The following PARD3B variants were observed in gnomAD, a reference collection of about 807,000 sequenced individuals.
The protein encoded by PARD3B is par-3 family cell polarity regulator beta.
Under a neutral mutation model 130.2 loss-of-function variants are expected in PARD3B, and 103 were observed. The observed-to-expected ratio is 0.79, with a 90% CI of 0.67 to 0.93. The LOEUF is 0.93. PARD3B is among the 40% of genes least tolerant of loss of function. PARD3B has a pLI of 0.00. For synonymous variants in PARD3B, 583 were observed against 553.2 expected, an observed-to-expected ratio of 1.05 and a Z score of -0.76; for missense variants, 1,609 against 1,499.2, an observed-to-expected ratio of 1.07 and a Z score of -1.21.
intron 13 of PARD3B, among the ~76,000 whole-genome samples, chr2:205,180,367 C>T (rs193017708): frequency 1.8e-4 from 27 of 151,920 alleles, no homozygotes; most frequent in African/African-American, 5.1e-4. Context: ...ATGGCCATCA[C>T]GTCTTTGTAA....
Position 205,176,361 on chromosome 2 carries a change from A to G in PARD3B, c.1792-84A>G, listed in dbSNP as rs1319519141. Reference sequence around the variant, plus strand: ...TAGACTCTTGAAAGACTATTCATACAGCGATCATTCTTTCACTTTGCTTCA... The same window carrying G: ...TAGACTCTTGAAAGACTATTCATACGGCGATCATTCTTTCACTTTGCTTCA... On this transcript the variant is annotated intron_variant, in intron 12 of 22. Transcript: ENST00000406610. This position sits in a 1 kb window ranked among gnomAD's most constrained non-coding sequence, Gnocchi z 5.3. 1.5e-6 allele frequency: 2 copies of G among 1,325,328 alleles called. No individual in the cohort carries two copies. Among genetic ancestry groups the G allele is most frequent in the Non-Finnish European group, 2.1e-6 (2 of 971,836 alleles). The allele number at this position is 1,325,328 out of a possible 1,614,324, so 82.1% of individuals were successfully genotyped here. A position where few individuals can be genotyped will look rare whatever the true frequency, so the allele number is the denominator to read the frequency against.
chr2:205,346,043 C>T (rs849253), intron 18 of PARD3B, among the ~76,000 whole-genome samples: 109,393 of 131,264 alleles, frequency 0.83, 46,138 homozygotes, highest in Admixed American at 0.9. Flanking sequence ...TGGTGGCGCA[C>T]GCCTGTAGTC....
At chr2:205,165,845 C>T (rs987522709) in intron 11 of PARD3B, among the ~76,000 whole-genome samples, 1 of 152,052 alleles carries the variant, frequency 6.6e-6, no homozygotes, top group East Asian at 1.9e-4. Context: ...GAGTGAGGTT[C>T]TTAAGACAAT....
At chr2:205,567,988 T>A (rs146112665) in intron 22 of PARD3B, among the ~76,000 whole-genome samples, 3 of 152,158 alleles carry the variant, frequency 2.0e-5, no homozygotes, top group Non-Finnish European at 4.4e-5. Context: ...ACTTAACTTT[T>A]GGTCCCATTT....
At chr2:205,097,376 A>G (rs1366099887) in intron 4 of PARD3B, among the ~76,000 whole-genome samples, 3 of 152,204 alleles carry the variant, frequency 2.0e-5, no homozygotes, top group African/African-American at 7.2e-5. Context: ...TGTCACTAAC[A>G]CAACATGTAA....
intron 2 of PARD3B, among the ~76,000 whole-genome samples, chr2:204,922,706 G>A (rs1423525453): frequency 2.0e-5 from 3 of 151,778 alleles, no homozygotes; most frequent in Non-Finnish European, 4.4e-5. Context: ...TTTTAAAATA[G>A]GACATACCTT....
At chr2:205,489,522 T>TATATACGTATATAC (rs1559141351) in intron 20 of PARD3B, among the ~76,000 whole-genome samples, 1 of 126,416 alleles carries the variant, frequency 7.9e-6, no homozygotes. Flanking sequence ...TATATATATA[T>TATATACGTATATAC]ACACACATAT....
intron 2 of PARD3B, among the ~76,000 whole-genome samples, chr2:204,731,713 A>T (rs922574436): frequency 2.0e-5 from 3 of 152,142 alleles, no homozygotes; most frequent in African/African-American, 7.2e-5. Flanking sequence ...TAACCAAATA[A>T]AAATTGGGGC....
At chr2:205,356,775 C>T (rs1475664364) in intron 18 of PARD3B, among the ~76,000 whole-genome samples, 2 of 151,616 alleles carry the variant, frequency 1.3e-5, no homozygotes, top group African/African-American at 2.4e-5. Context: ...CCTGTAATCC[C>T]AGCTACTTGG....
intron 22 of PARD3B, among the ~76,000 whole-genome samples, chr2:205,557,976 C>T (rs1335818449): frequency 6.6e-6 from 1 of 152,150 alleles, no homozygotes; most frequent in East Asian, 1.9e-4. Flanking sequence ...GAAGAGGAAG[C>T]AGCACCTGCA....
intron 2 of PARD3B, among the ~76,000 whole-genome samples, chr2:204,920,029 G>C (rs2047606580): frequency 6.6e-6 from 1 of 151,906 alleles, no homozygotes; most frequent in South Asian, 2.1e-4. Context: ...TGTTAATTTG[G>C]AGACAATAGA....
chr2:204,897,823 A>ATC (rs1417373505), intron 2 of PARD3B, among the ~76,000 whole-genome samples: 2 of 152,060 alleles, frequency 1.3e-5, no homozygotes, highest in Non-Finnish European at 2.9e-5. Flanking sequence ...GTGGTAGTCA[A>ATC]TCAAGCAGCA....
chr2:204,670,672 TG>T lies in PARD3B; in HGVS notation c.121-15508del, dbSNP rs1317250705. On this transcript the variant is annotated intron_variant, in intron 1 of 22. Coordinates refer to ENST00000406610, the MANE Select transcript of PARD3B (RefSeq NM_001302769.2). ...CTCAAGCTATACGTTTTTTTCTCCT[TG>T]TTTCCTAAAATTATTGTTAGGCTAT... 2.0e-5 allele frequency among the ~76,000 whole-genome samples: 3 copies of T among 152,312 alleles called. No homozygotes were observed. The East Asian group carries it at 5.8e-4, about 29-fold the overall frequency.
intron 22 of PARD3B, among the ~76,000 whole-genome samples, chr2:205,603,389 G>A (rs569552959): frequency 1.4e-3 from 206 of 152,194 alleles, no homozygotes; most frequent in Non-Finnish European, 2.5e-3. Context: ...ATCCAAGTTC[G>A]AGTCCTGAAT....
At chr2:205,036,411 G>T (rs1697892371) in intron 3 of PARD3B, among the ~76,000 whole-genome samples, 2 of 145,458 alleles carry the variant, frequency 1.4e-5, no homozygotes, top group South Asian at 4.3e-4. Context: ...GTATATAGCA[G>T]ACTATATATA....
intron 2 of PARD3B, among the ~76,000 whole-genome samples, chr2:204,950,296 TG>T (rs1242357674): frequency 6.6e-6 from 1 of 152,212 alleles, no homozygotes; most frequent in Admixed American, 6.5e-5. Context: ...GCTTTGAATA[TG>T]GTAAACATTC....
chr2:205,181,186 C>A (rs1024325337), intron 13 of PARD3B, among the ~76,000 whole-genome samples: 2 of 152,144 alleles, frequency 1.3e-5, no homozygotes, highest in Admixed American at 6.5e-5. Flanking sequence ...GGTTCTGTGA[C>A]CTGTCTCTCT....
intron 6 of PARD3B, 105 bp downstream of exon 6, chr2:205,113,682 T>C (rs1703818118): frequency 7.8e-6 from 6 of 772,200 alleles, no homozygotes; most frequent in South Asian, 5.6e-5. Flanking sequence ...AATTCTATTA[T>C]TCAAATGGAT....
intron 1 of PARD3B, among the ~76,000 whole-genome samples, chr2:204,593,123 A>G (rs1214422521): frequency 2.7e-5 from 4 of 150,790 alleles, no homozygotes; most frequent in Non-Finnish European, 5.9e-5. Flanking sequence ...TATGACTTCT[A>G]TTAGGTTTTA....
Sources: allele counts gnomAD v4.1 joint callset (sites outside exome capture counted in the v4.1 genomes callset), GRCh38; gene constraint gnomAD v4.1.1; non-coding constraint Gnocchi (gnomAD v3.1); transcripts MANE v1.5; gene names NCBI Gene and HGNC (gene_info 2026-07-23, HGNC 2026-07-21).